Variants in FAM13A observed in about 807,000 individuals in gnomAD.
FAM13A encodes protein FAM13A.
In FAM13A, 76 loss-of-function variants were observed where a neutral mutation model predicts 129.6. That is an observed-to-expected ratio of 0.59 (90% CI 0.49 to 0.71). The LOEUF is 0.71. FAM13A is among the 30% of genes least tolerant of loss of function. The pLI is 0.00. For synonymous variants in FAM13A, 443 were observed against 449.9 expected (o/e 0.98, Z 0.20); for missense variants, 1,108 against 1,249.3 (o/e 0.89, Z 1.70).
At chr4:88,862,860 C>T (rs1396844992) in intron 6 of FAM13A, among the ~76,000 whole-genome samples, 1 of 151,630 alleles carries the variant, frequency 6.6e-6, no homozygotes, top group Non-Finnish European at 1.5e-5. Context: ...AGTTACCAGT[C>T]TTTATCATTC....
Position 88,731,858 on chromosome 4 carries a change from T to TA in FAM13A, c.2843+143dup, listed in dbSNP as rs1241890879. On this transcript the variant is annotated intron_variant, in intron 22 of 23. Transcript: ENST00000264344. ...GAAGCATATAAAAAAAGAAATTTTT[T>TA]AAAAAATCACCGTTTTATCCAGATA... is the stretch of plus-strand genomic sequence containing the variant. The TA allele has an allele frequency of 7.2e-6, 5 of 696,712 alleles. No homozygotes were observed. The East Asian group carries it at 8.5e-5, about 12-fold the overall frequency. 43.2% of individuals were successfully genotyped at this position (696,712 alleles called of 1,614,324 possible). A position where few individuals can be genotyped will look rare whatever the true frequency, so the allele number is the denominator to read the frequency against.
chr4:88,994,188 G>A (rs1445262731), intron 3 of FAM13A, among the ~76,000 whole-genome samples: 4 of 152,090 alleles, frequency 2.6e-5, no homozygotes, highest in South Asian at 2.1e-4. Flanking sequence ...CTACATCAGC[G>A]GCTTTGACAG....
chr4:88,838,029 A>G (rs1404619912), intron 7 of FAM13A, among the ~76,000 whole-genome samples: 2 of 152,156 alleles, frequency 1.3e-5, no homozygotes, highest in Admixed American at 1.3e-4. Flanking sequence ...AAACAATATA[A>G]CTCTTTAAAT....
At chr4:88,896,302 G>C (rs1294736978) in intron 6 of FAM13A, among the ~76,000 whole-genome samples, 1 of 151,092 alleles carries the variant, frequency 6.6e-6, no homozygotes, top group Admixed American at 6.6e-5. Context: ...GATACCATTG[G>C]GAGATACACC....
At chr4:88,871,305 G>A (rs914677519) in intron 6 of FAM13A, among the ~76,000 whole-genome samples, 1 of 152,230 alleles carries the variant, frequency 6.6e-6, no homozygotes, top group Non-Finnish European at 1.5e-5. Context: ...TTGATGAATT[G>A]ACAGAAGTAG....
At chr4:88,984,114 T>C (rs2148995294) in intron 4 of FAM13A, among the ~76,000 whole-genome samples, 1 of 152,242 alleles carries the variant, frequency 6.6e-6, no homozygotes, top group South Asian at 2.1e-4. Context: ...AGGAATGAAG[T>C]TAGACTCCTT....
At chr4:88,816,080 G>A (rs1245361610) in intron 7 of FAM13A, among the ~76,000 whole-genome samples, 3 of 151,190 alleles carry the variant, frequency 2.0e-5, no homozygotes, top group Non-Finnish European at 4.4e-5. Context: ...TTACAAAATA[G>A]TCTTTTATCC....
chr4:88,990,944 ATATT>A (rs1463344065), intron 4 of FAM13A, 25 bp downstream of exon 4: 7 of 1,552,148 alleles, frequency 4.5e-6, no homozygotes, highest in Non-Finnish European at 5.3e-6. Context: ...GGACATGATG[ATATT>A]AACAGTAAAA....
At chr4:89,045,337 T>A (rs573020180) in intron 1 of FAM13A, among the ~76,000 whole-genome samples, 1 of 152,108 alleles carries the variant, frequency 6.6e-6, no homozygotes, top group Non-Finnish European at 1.5e-5. Flanking sequence ...GGAAAGTAGA[T>A]ATAATGAAAC....
intron 5 of FAM13A, among the ~76,000 whole-genome samples, chr4:88,933,362 C>A (rs749915191): frequency 4.6e-5 from 7 of 152,094 alleles, no homozygotes; most frequent in Non-Finnish European, 7.4e-5. Context: ...CTACTGTCCC[C>A]CTCAATATCT....
intron 6 of FAM13A, among the ~76,000 whole-genome samples, chr4:88,878,206 T>A (rs1742914325): frequency 7.2e-6 from 1 of 139,610 alleles, no homozygotes; most frequent in Admixed American, 8.3e-5. Context: ...GAGAATGGTG[T>A]GAACCCGGGA....
At chr4:89,013,633 ATTAC>A (rs905843462) in intron 3 of FAM13A, among the ~76,000 whole-genome samples, 1 of 152,104 alleles carries the variant, frequency 6.6e-6, no homozygotes, top group Non-Finnish European at 1.5e-5. Context: ...ACTGCAACAT[ATTAC>A]TTATGTGTTT....
intron 6 of FAM13A, 95 bp downstream of exon 6, chr4:88,906,284 T>C: frequency 1.1e-6 from 1 of 890,814 alleles, no homozygotes; most frequent in South Asian, 1.5e-5. Context: ...CAAGACTCTG[T>C]CTCAAAACAA....
chr4:89,036,272 C>T (rs1433337794), intron 1 of FAM13A, among the ~76,000 whole-genome samples: 1 of 152,114 alleles, frequency 6.6e-6, no homozygotes, highest in Non-Finnish European at 1.5e-5. Context: ...AAAGGTTACT[C>T]TTGTTATGCT....
At chr4:88,966,747 A>G (rs1579539203) in intron 4 of FAM13A, among the ~76,000 whole-genome samples, 3 of 152,152 alleles carry the variant, frequency 2.0e-5, no homozygotes, top group African/African-American at 7.2e-5. Context: ...AACTACCAAA[A>G]TAAGTTCATA....
chr4:88,884,125 T>C (rs568948338), intron 6 of FAM13A, among the ~76,000 whole-genome samples: 4 of 152,090 alleles, frequency 2.6e-5, no homozygotes, highest in African/African-American at 7.2e-5. Flanking sequence ...TTCCACAAGA[T>C]AGAGAAGGAA....
At chr4:88,903,924 A>G (rs143250703) in intron 6 of FAM13A, among the ~76,000 whole-genome samples, 40 of 152,314 alleles carry the variant, frequency 2.6e-4, no homozygotes, top group Non-Finnish European at 1.5e-4. Context: ...AAACACATTT[A>G]TAAGAAAAAA....
Position 88,726,684 on chromosome 4 carries a change from A to G in FAM13A, c.*1849T>C, listed in dbSNP as rs1736539343. On this transcript the variant is annotated 3_prime_UTR_variant, in exon 24 of 24. Transcript: ENST00000264344. ...GGTCATGTGAATGATTCATGTTCAG[A>G]TTTCAAAAATAGGAAACATCCTAAA... 6.6e-6 allele frequency: 1 copy of G among 152,654 alleles called. No homozygotes were observed. Among genetic ancestry groups the G allele is most frequent in the Admixed American group, 6.5e-5 (1 of 15,288 alleles). 9.5% of individuals were successfully genotyped at this position (152,654 alleles called of 1,614,324 possible). A position where few individuals can be genotyped will look rare whatever the true frequency, so the allele number is the denominator to read the frequency against.
intron 5 of FAM13A, among the ~76,000 whole-genome samples, chr4:88,911,244 A>G (rs1303473693): frequency 6.6e-6 from 1 of 152,188 alleles, no homozygotes; most frequent in Non-Finnish European, 1.5e-5. Context: ...TTCACCTCAC[A>G]AAAGTACAAT....
Sources: allele counts gnomAD v4.1 joint callset (sites outside exome capture counted in the v4.1 genomes callset), GRCh38; gene constraint gnomAD v4.1.1; transcripts MANE v1.5; gene names NCBI Gene and HGNC (gene_info 2026-07-23, HGNC 2026-07-21).